The following FYN variants were observed in gnomAD, a reference collection of about 807,000 sequenced individuals.
The protein encoded by FYN is FYN proto-oncogene, Src family tyrosine kinase, also known as tyrosine-protein kinase Fyn.
FYN carries 10 observed loss-of-function variants against 70.2 expected under a neutral mutation model. The observed-to-expected ratio is 0.14, with a 90% CI of 0.09 to 0.24. FYN has a LOEUF of 0.24. Ranked by LOEUF, FYN falls within the 10% of genes least tolerant of loss-of-function variation. FYN has a pLI of 1.00. For synonymous variants in FYN, 236 were observed against 248.6 expected, an observed-to-expected ratio of 0.95 and a Z score of 0.48; for missense variants, 319 against 673.1, an observed-to-expected ratio of 0.47 and a Z score of 5.82.
At chr6:111,703,087 C>T (rs150477486) in intron 7 of FYN, 53 bp from the exon 8 acceptor site, 24,734 of 1,555,232 alleles carry the variant, frequency 0.016, 262 homozygotes, top group Middle Eastern at 0.037. Context: ...TATCAGCTTG[C>T]TTTTTAGGCC....
chr6:111,701,945 T>C (rs1437547383), intron 8 of FYN, among the ~76,000 whole-genome samples: 2 of 152,224 alleles, frequency 1.3e-5, no homozygotes, highest in Non-Finnish European at 2.9e-5. Context: ...TGCTTTTTCA[T>C]GCCAAAAATT....
intron 2 of FYN, among the ~76,000 whole-genome samples, chr6:111,801,518 T>C (rs762462262): frequency 1.3e-5 from 2 of 152,194 alleles, no homozygotes; most frequent in Non-Finnish European, 2.9e-5. Flanking sequence ...AAATGATTGG[T>C]TGGATAATGC....
At position 111,719,838 on chromosome 6, in the gene FYN, G is replaced by T; in HGVS notation, c.214C>A (p.His72Asn). The T allele has an allele frequency of 1.2e-6, 2 of 1,614,206 alleles. No homozygotes were observed. The highest frequency in any genetic ancestry group is 1.7e-6 in the Non-Finnish European group (2 of 1,180,026). ...TVFGGVNSSS[H>N]TGTLRTRGGT... ...CCTCTCGTACGCAAGGTCCCCGTAT[G>T]AGACGAAGAGTTCACACCTCCAAAG... Residue 72 changes from histidine to asparagine, a missense_variant, in exon 4 of 14, where the codon CAT (histidine) becomes AAT (asparagine). This residue lies in a region of FYN where 128 missense variants were observed against 183.9 expected (regional missense o/e 0.70). Transcript: ENST00000354650.
chr6:111,712,910 T>C (rs1800453219), intron 5 of FYN, among the ~76,000 whole-genome samples: 1 of 152,226 alleles, frequency 6.6e-6, no homozygotes, highest in South Asian at 2.1e-4. Context: ...ATTTTAATCA[T>C]TTTTAAGTGT....
chr6:111,699,915 T>TA, intron 9 of FYN, 189 bp downstream of exon 9: 1 of 157,966 alleles, frequency 6.3e-6, no homozygotes. Context: ...CTTACTATCT[T>TA]TTTTTTTTTT....
intron 4 of FYN, among the ~76,000 whole-genome samples, chr6:111,714,678 C>T (rs1042097490): frequency 6.6e-6 from 1 of 152,154 alleles, no homozygotes; most frequent in African/African-American, 2.4e-5. Context: ...TGAAGGGCTT[C>T]TTTCTGTAAT....
chr6:111,720,201 G>T, intron 3 of FYN, 139 bp from the exon 4 acceptor site: 1 of 954,782 alleles, frequency 1.0e-6, no homozygotes, highest in Non-Finnish European at 1.5e-6. Context: ...AAAGGCAGTG[G>T]CTGGGGAGAT....
chr6:111,703,893 T>TAC, intron 7 of FYN, 106 bp downstream of exon 7: 1 of 820,362 alleles, frequency 1.2e-6, no homozygotes. Flanking sequence ...GCAGGGAGGG[T>TAC]ATGTGCCATT....
chr6:111,733,575 G>C (rs186863845), intron 3 of FYN, among the ~76,000 whole-genome samples: 1 of 152,202 alleles, frequency 6.6e-6, no homozygotes, highest in Non-Finnish European at 1.5e-5. Flanking sequence ...GGCACAGAGC[G>C]TATCACTCTG....
At chr6:111,699,635 T>A in intron 9 of FYN, 1 of 1,614,002 alleles carries the variant, frequency 6.2e-7, no homozygotes, top group Non-Finnish European at 8.5e-7. Flanking sequence ...CTCGATGCAA[T>A]CACAGTTAAG....
intron 9 of FYN, among the ~76,000 whole-genome samples, chr6:111,697,171 G>A (rs1231336459): frequency 6.6e-5 from 10 of 150,672 alleles, no homozygotes; most frequent in Admixed American, 1.3e-4. Flanking sequence ...AATTTAGCAT[G>A]TTAAAAAAAA....
chr6:111,663,307 A>G (rs922042311), intron 13 of FYN, among the ~76,000 whole-genome samples: 5 of 152,188 alleles, frequency 3.3e-5, no homozygotes, highest in Non-Finnish European at 7.3e-5. Context: ...CACACACCAT[A>G]TGCATGGAGC....
At chr6:111,722,451 A>G (rs1422859763) in intron 3 of FYN, among the ~76,000 whole-genome samples, 1 of 152,228 alleles carries the variant, frequency 6.6e-6, no homozygotes, top group Non-Finnish European at 1.5e-5. Flanking sequence ...TAACTTGCTC[A>G]TATAATATTA....
intron 3 of FYN, among the ~76,000 whole-genome samples, chr6:111,741,757 G>A (rs528318289): frequency 2.5e-4 from 38 of 152,262 alleles, no homozygotes; most frequent in Admixed American, 2.1e-3. Flanking sequence ...AGTGGTTTTC[G>A]AACTTTATGA....
intron 3 of FYN, among the ~76,000 whole-genome samples, chr6:111,720,503 C>A (rs990774211): frequency 6.6e-6 from 1 of 152,096 alleles, no homozygotes; most frequent in Non-Finnish European, 1.5e-5. Context: ...AGGAAGAGGG[C>A]ACAGGAGTGT....
chr6:111,786,891 T>C (rs1032991523), intron 2 of FYN, among the ~76,000 whole-genome samples: 12 of 152,246 alleles, frequency 7.9e-5, no homozygotes, highest in Non-Finnish European at 1.8e-4. Flanking sequence ...TCATATCCTT[T>C]GCCCACTTGT....
Position 111,699,051 on chromosome 6 carries a change from C to G in FYN, c.862+1053G>C, listed in dbSNP as rs548006619. 3.5e-4 allele frequency among the ~76,000 whole-genome samples: 53 copies of G among 152,290 alleles called. 1 individual carries two copies. The highest frequency in any genetic ancestry group is 1.3e-3 in the African/African-American group (53 of 41,568). On this transcript the variant is annotated intron_variant, in intron 9 of 13. Transcript: ENST00000354650. Reference sequence around the variant, plus strand: ...TGAGCCAATATCGCGCCATTGCACTCCAGCCTAGTGATAGAGCAAGACTCC... The same window carrying G: ...TGAGCCAATATCGCGCCATTGCACTGCAGCCTAGTGATAGAGCAAGACTCC...
At chr6:111,797,013 G>A (rs1487354543) in intron 2 of FYN, among the ~76,000 whole-genome samples, 1 of 152,210 alleles carries the variant, frequency 6.6e-6, no homozygotes, top group Non-Finnish European at 1.5e-5. Context: ...ATAGTGCATA[G>A]TAGTTTGAAT....
At chr6:111,835,534 C>A (rs551888710) in intron 2 of FYN, among the ~76,000 whole-genome samples, 2 of 152,350 alleles carry the variant, frequency 1.3e-5, no homozygotes, top group African/African-American at 4.8e-5. Context: ...TCATGAGAGC[C>A]TTTATTCCTG....
Sources: allele counts gnomAD v4.1 joint callset (sites outside exome capture counted in the v4.1 genomes callset), GRCh38; gene constraint gnomAD v4.1.1; regional missense constraint gnomAD v4.1.1; transcripts MANE v1.5; gene names NCBI Gene and HGNC (gene_info 2026-07-23, HGNC 2026-07-21).